CHLSN: variants seen among roughly 807,000 people sequenced by gnomAD.
The protein encoded by CHLSN is cholesin, also known as protein cholesin.
the CHLSN span, among the ~76,000 whole-genome samples, chr7:1,088,787 G>A: frequency 6.6e-5 from 10 of 152,142 alleles, no homozygotes; most frequent in Non-Finnish European, 1.2e-4. This position sits in a 1 kb window ranked among gnomAD's most constrained non-coding sequence, Gnocchi z 4.5. Flanking sequence ...CTGAAATGAG[G>A]TATTGCACTG....
chr7:1,015,790 G>A, the CHLSN span, among the ~76,000 whole-genome samples: 1 of 152,214 alleles, frequency 6.6e-6, no homozygotes, highest in African/African-American at 2.4e-5. Context: ...CACCCAGCCC[G>A]GGCTTCCTCG....
the CHLSN span, among the ~76,000 whole-genome samples, chr7:1,082,884 A>G: frequency 5.3e-5 from 8 of 152,344 alleles, no homozygotes; most frequent in African/African-American, 1.9e-4. Flanking sequence ...GCATTTATCC[A>G]AAGAAAGGGT....
At chr7:1,096,569 A>G in the CHLSN span, among the ~76,000 whole-genome samples, 1 of 152,214 alleles carries the variant, frequency 6.6e-6, no homozygotes, top group African/African-American at 2.4e-5. The surrounding 1 kb of genome is among the most constrained non-coding windows in gnomAD (Gnocchi z 4.6). Flanking sequence ...TGTTTTTGGC[A>G]GGCCCACGGT....
At chr7:1,112,915 C>G in the CHLSN span, among the ~76,000 whole-genome samples, 2 of 152,122 alleles carry the variant, frequency 1.3e-5, no homozygotes, top group African/African-American at 4.8e-5. Flanking sequence ...AACGTATGCT[C>G]AGGCATATTT....
the CHLSN span, among the ~76,000 whole-genome samples, chr7:1,134,625 T>C: frequency 6.6e-6 from 1 of 151,358 alleles, no homozygotes; most frequent in African/African-American, 2.4e-5. Flanking sequence ...TCCCAGCACT[T>C]TGGGAGGCCG....
chr7:1,083,551 C>A, the CHLSN span, among the ~76,000 whole-genome samples: 1 of 152,012 alleles, frequency 6.6e-6, no homozygotes, highest in South Asian at 2.1e-4. Flanking sequence ...CGGTGTGAAC[C>A]CGGGAGGTGG....
chr7:1,128,781 CCT>C, the CHLSN span, among the ~76,000 whole-genome samples: 80 of 17,332 alleles, frequency 4.6e-3, 20 homozygotes, highest in East Asian at 0.1. Flanking sequence ...CTCATCGCAC[CCT>C]GTCACCCGGG....
At chr7:1,028,620 G>A in the CHLSN span, 4 of 979,642 alleles carry the variant, frequency 4.1e-6, no homozygotes, top group Non-Finnish European at 4.8e-6. Context: ...CAGGGCCCCT[G>A]CCAGCTGCAC....
chr7:1,070,391 C>T, the CHLSN span, among the ~76,000 whole-genome samples: 381 of 125,464 alleles, frequency 3.0e-3, 34 homozygotes, highest in Non-Finnish European at 6.1e-3. Context: ...GCCGCCCCGT[C>T]CGGGAGGTGA....
At chr7:1,131,553 T>C in the CHLSN span, among the ~76,000 whole-genome samples, 1 of 152,228 alleles carries the variant, frequency 6.6e-6, no homozygotes, top group Non-Finnish European at 1.5e-5. Context: ...TTGAGCCTTA[T>C]CTTTAAAAAG....
chr7:1,091,635 GA>G, the CHLSN span: 6 of 971,598 alleles, frequency 6.2e-6, no homozygotes, highest in East Asian at 1.5e-4. Flanking sequence ...TCACTTCAAG[GA>G]GAATCACGCT....
the CHLSN span, chr7:1,092,134 T>G: frequency 6.2e-7 from 1 of 1,613,732 alleles, no homozygotes; most frequent in Non-Finnish European, 8.5e-7. Context: ...CATGTCGCTC[T>G]TCCTGCAGGT....
At chr7:1,108,874 G>A in the CHLSN span, among the ~76,000 whole-genome samples, 1 of 151,616 alleles carries the variant, frequency 6.6e-6, no homozygotes, top group Non-Finnish European at 1.5e-5. Flanking sequence ...AGAAAATTCG[G>A]CTGTGATATT....
the CHLSN span, among the ~76,000 whole-genome samples, chr7:988,026 G>A: frequency 1.3e-5 from 2 of 151,358 alleles, no homozygotes; most frequent in South Asian, 4.2e-4. Flanking sequence ...GTGTGTCCTG[G>A]GGGTCCCCTC....
At chr7:1,065,645 C>T in the CHLSN span, among the ~76,000 whole-genome samples, 7 of 152,188 alleles carry the variant, frequency 4.6e-5, no homozygotes, top group African/African-American at 1.7e-4. Flanking sequence ...CGACGAGGGC[C>T]GGGTCTGGGA....
At chr7:1,070,364 A>G in the CHLSN span, among the ~76,000 whole-genome samples, 7 of 136,016 alleles carry the variant, frequency 5.1e-5, 1 homozygote, top group African/African-American at 1.9e-4. Context: ...TGGGGGGGTC[A>G]GCCCCCCGCC....
At chr7:1,021,298 C>A in the CHLSN span, 1 of 845,936 alleles carries the variant, frequency 1.2e-6, no homozygotes, top group Non-Finnish European at 1.4e-6. Context: ...CAGGCTGGCA[C>A]CCATGGGGCA....
At chr7:983,442 C>G in the CHLSN span, 1 of 1,369,866 alleles carries the variant, frequency 7.3e-7, no homozygotes, top group Non-Finnish European at 9.5e-7. Flanking sequence ...TGTCCTGGCC[C>G]CCCTCCTGGG....
chr7:1,124,745 C>T, the CHLSN span, among the ~76,000 whole-genome samples: 1 of 122,142 alleles, frequency 8.2e-6, no homozygotes, highest in Non-Finnish European at 1.8e-5. Context: ...TAAAAAAGCA[C>T]AAAAAAAAAA....
Sources: gnomAD v4.1 joint callset for allele counts (sites outside exome capture counted in the v4.1 genomes callset) on GRCh38, gnomAD v4.1.1 for gene constraint, Gnocchi (gnomAD v3.1) non-coding constraint, MANE v1.5 for transcripts, NCBI Gene and HGNC (gene_info 2026-07-23, HGNC 2026-07-21) for gene names.